SYNPR: variants seen among roughly 807,000 people sequenced by gnomAD.
SYNPR encodes synaptoporin.
SYNPR carries 23 observed loss-of-function variants against 32.9 expected under a neutral mutation model. The observed-to-expected ratio is 0.70, with a 90% CI of 0.50 to 0.99. The LOEUF (loss-of-function observed/expected upper bound fraction) is 0.99, where lower values mean the gene tolerates loss of function less well. SYNPR is among the 50% of genes least tolerant of loss of function. The probability of loss-of-function intolerance (pLI) is 0.00; values close to 1 mark genes in which losing one functional copy is unlikely to be tolerated. For missense variants in SYNPR, 318 were observed against 349.3 expected (o/e 0.91, Z 0.71); for synonymous variants, 146 against 135.9 (o/e 1.07, Z -0.52).
At chr3:63,540,547 C>G (rs1437168660) in intron 3 of SYNPR, among the ~76,000 whole-genome samples, 2 of 151,858 alleles carry the variant, frequency 1.3e-5, no homozygotes, top group African/African-American at 4.8e-5. Flanking sequence ...AAGAAACGAG[C>G]CTCTGCATGT....
At chr3:63,531,002 T>C (rs983150403) in intron 3 of SYNPR, among the ~76,000 whole-genome samples, 1 of 152,104 alleles carries the variant, frequency 6.6e-6, no homozygotes, top group Non-Finnish European at 1.5e-5. Flanking sequence ...GCTCTGGTCC[T>C]GGCTGTGCCA....
chr3:63,593,748 C>T (rs1046689322), intron 4 of SYNPR, among the ~76,000 whole-genome samples: 11 of 152,130 alleles, frequency 7.2e-5, no homozygotes, highest in African/African-American at 2.7e-4. Context: ...AGAAGAACAT[C>T]AGCATCCACT....
intron 2 of SYNPR, among the ~76,000 whole-genome samples, chr3:63,330,738 A>G (rs2087218753): frequency 6.6e-6 from 1 of 152,150 alleles, no homozygotes; most frequent in African/African-American, 2.4e-5. Context: ...TACTATTATT[A>G]TTTCTGTTTT....
At chr3:63,268,703 AG>A (rs939397888) in intron 3 of SYNPR, among the ~76,000 whole-genome samples, 28 of 151,532 alleles carry the variant, frequency 1.8e-4, no homozygotes, top group African/African-American at 5.3e-4. Flanking sequence ...TTGCTGTCTC[AG>A]GGGTGGTGGA....
intron 1 of SYNPR, among the ~76,000 whole-genome samples, chr3:63,245,777 A>G (rs2106884706): frequency 6.7e-6 from 1 of 149,552 alleles, no homozygotes. Context: ...GGTATATTTT[A>G]TAAAGAACAT....
At chr3:63,266,019 A>G (rs1296176319) in intron 2 of SYNPR, among the ~76,000 whole-genome samples, 6 of 151,934 alleles carry the variant, frequency 3.9e-5, no homozygotes, top group Non-Finnish European at 5.9e-5. Context: ...AATTTTTTCT[A>G]CAAGTGAAAA....
At chr3:63,211,687 T>A in the SYNPR span, among the ~76,000 whole-genome samples, 1 of 148,816 alleles carries the variant, frequency 6.7e-6, no homozygotes, top group African/African-American at 2.5e-5. Context: ...AATCAGGTTT[T>A]AAGAAGAAGC....
intron 4 of SYNPR, among the ~76,000 whole-genome samples, chr3:63,594,823 A>G (rs1365435750): frequency 1.3e-5 from 2 of 152,154 alleles, no homozygotes. Flanking sequence ...CTACCTCCCA[A>G]TTAAAAATAT....
At chr3:63,332,155 A>G (rs191318607) in intron 2 of SYNPR, among the ~76,000 whole-genome samples, 93 of 152,252 alleles carry the variant, frequency 6.1e-4, no homozygotes, top group South Asian at 2.1e-3. Flanking sequence ...GACTTTATGA[A>G]GTCACATGCT....
Position 63,278,481 on chromosome 3 carries a change from A to G in SYNPR, c.-53A>G, listed in dbSNP as rs2086596886. On this transcript the variant is annotated 5_prime_UTR_variant, in exon 1 of 6. Coordinates refer to ENST00000478300, the MANE Select transcript of SYNPR (RefSeq NM_001130003.2). ...GCCCTGAGGACGGTGGTGCCAAGCG[A>G]ACTTCATTTTTAAAAAGAACTGGTG... is the stretch of plus-strand genomic sequence containing the variant. The G allele has an allele frequency of 1.3e-6, 2 of 1,533,852 alleles. No homozygotes were observed. Among genetic ancestry groups the G allele is most frequent in the Non-Finnish European group, 1.8e-6 (2 of 1,137,936 alleles).
chr3:63,614,387 C>T (rs1700248010), intron 5 of SYNPR, among the ~76,000 whole-genome samples: 1 of 152,204 alleles, frequency 6.6e-6, no homozygotes, highest in South Asian at 2.1e-4. Context: ...TTCCATCAAA[C>T]CTGAGGCCCT....
At chr3:63,405,423 G>A (rs2088346443) in intron 2 of SYNPR, among the ~76,000 whole-genome samples, 1 of 152,194 alleles carries the variant, frequency 6.6e-6, no homozygotes, top group East Asian at 1.9e-4. Context: ...AAGCACAGAA[G>A]GCTCTGTGCT....
At chr3:63,497,552 GTT>G (rs564665863) in intron 3 of SYNPR, among the ~76,000 whole-genome samples, 2,680 of 143,952 alleles carry the variant, frequency 0.019, 87 homozygotes, top group African/African-American at 0.064. Context: ...GGGTGTTGCT[GTT>G]TTTTTTTTTT....
At chr3:63,354,317 T>C (rs564093262) in intron 2 of SYNPR, among the ~76,000 whole-genome samples, 13 of 152,296 alleles carry the variant, frequency 8.5e-5, no homozygotes, top group African/African-American at 3.1e-4. Context: ...TTTGCTTTCC[T>C]GAATCATCCA....
At chr3:63,349,061 T>TA (rs1281214717) in intron 2 of SYNPR, among the ~76,000 whole-genome samples, 1 of 152,180 alleles carries the variant, frequency 6.6e-6, no homozygotes, top group Admixed American at 6.5e-5. Flanking sequence ...AGGACTGCAT[T>TA]AAATCTATAG....
chr3:63,395,114 GT>G (rs2088194996), intron 2 of SYNPR, among the ~76,000 whole-genome samples: 1 of 136,292 alleles, frequency 7.3e-6, no homozygotes, highest in Non-Finnish European at 1.5e-5. Context: ...CAATTCCAGT[GT>G]TTTAGGAAAA....
chr3:63,267,601 G>A (rs921304794), intron 3 of SYNPR, among the ~76,000 whole-genome samples: 2 of 152,156 alleles, frequency 1.3e-5, no homozygotes, highest in African/African-American at 2.4e-5. Context: ...ATCAGAAGCT[G>A]TTAGTTAAGA....
intron 2 of SYNPR, among the ~76,000 whole-genome samples, chr3:63,424,790 G>C (rs561527896): frequency 6.6e-6 from 1 of 152,140 alleles, no homozygotes; most frequent in African/African-American, 2.4e-5. Flanking sequence ...TTTATTCTTA[G>C]GTGAATTTTC....
At chr3:63,408,326 A>AAG (rs1178521595) in intron 2 of SYNPR, among the ~76,000 whole-genome samples, 1 of 126,522 alleles carries the variant, frequency 7.9e-6, no homozygotes, top group Non-Finnish European at 1.6e-5. Context: ...GAAGGAAAGA[A>AAG]AGAAAGAAAG....
Sources: allele counts gnomAD v4.1 joint callset (sites outside exome capture counted in the v4.1 genomes callset), GRCh38; gene constraint gnomAD v4.1.1; transcripts MANE v1.5; gene names NCBI Gene and HGNC (gene_info 2026-07-23, HGNC 2026-07-21).